Variants in DCLRE1C observed in about 807,000 individuals in gnomAD.
The protein encoded by DCLRE1C is protein artemis.
In DCLRE1C, 47 loss-of-function variants were observed where a neutral mutation model predicts 61.4. The observed-to-expected ratio is 0.77, with a 90% CI of 0.61 to 0.98. The LOEUF (loss-of-function observed/expected upper bound fraction) is 0.98. DCLRE1C is among the 50% of genes least tolerant of loss of function. The probability of loss-of-function intolerance (pLI) is 0.00; values close to 1 mark genes in which losing one functional copy is unlikely to be tolerated. For missense variants in DCLRE1C, 858 were observed against 816.0 expected (o/e 1.05, Z -0.63); for synonymous variants, 337 against 287.6 (o/e 1.17, Z -1.74).
rs117541758 is a variant in DCLRE1C at position 14,897,602 on chromosome 10, A to G, written c.*1562T>C. The G allele has an allele frequency of 8.8e-3, 10,060 of 1,145,036 alleles. 57 individuals carry two copies. The highest frequency in any genetic ancestry group is 0.011 in the Non-Finnish European group (9,413 of 865,116). 70.9% of individuals were successfully genotyped at this position (1,145,036 alleles called of 1,614,324 possible). ...TTACCTTTTTATCTCTTTAAGAGAT[A>G]CTTGGTACATTTTGATATTTTCATT... On this transcript the variant is annotated 3_prime_UTR_variant, in exon 14 of 14. Transcript: ENST00000378289.
At chr10:14,914,060 G>A (rs1221360008) in intron 13 of DCLRE1C, among the ~76,000 whole-genome samples, 1 of 152,124 alleles carries the variant, frequency 6.6e-6, no homozygotes, top group Non-Finnish European at 1.5e-5. Context: ...ATATCAATGG[G>A]TACCATTAAA....
chr10:14,939,592 A>C (rs994098692), intron 4 of DCLRE1C, among the ~76,000 whole-genome samples: 7 of 152,184 alleles, frequency 4.6e-5, no homozygotes, highest in African/African-American at 7.2e-5. Flanking sequence ...AGTCCAGCCC[A>C]AATGGACTTA....
chr10:14,932,519 C>T (rs1213279918), intron 9 of DCLRE1C, among the ~76,000 whole-genome samples: 1 of 152,044 alleles, frequency 6.6e-6, no homozygotes, highest in African/African-American at 2.4e-5. Flanking sequence ...CGCCTGTAGT[C>T]CCAGCTACTC....
Position 14,919,601 on chromosome 10 carries a change from G to A in DCLRE1C, c.1156+137C>T, listed in dbSNP as rs137972697. ...AAGACAGGAAGGCAAAGTACTTCCTGAGACCATGTGTCAAGTCTGACCTGT... is the reference window on the plus strand; with the variant it reads ...AAGACAGGAAGGCAAAGTACTTCCTAAGACCATGTGTCAAGTCTGACCTGT... On this transcript the variant is annotated intron_variant, in intron 13 of 13. Transcript: ENST00000378278. 1.0e-3 allele frequency: 758 copies of A among 736,338 alleles called. 2 individuals carry two copies. The highest frequency in any genetic ancestry group is 2.6e-3 in the Middle Eastern group (8 of 3,084). The allele number at this position is 736,338 out of a possible 1,614,324, so 45.6% of individuals were successfully genotyped here. A position where few individuals can be genotyped will look rare whatever the true frequency, so the allele number is the denominator to read the frequency against.
chr10:14,919,928 T>A, intron 12 of DCLRE1C, 96 bp from the exon 13 acceptor site: 1 of 1,023,040 alleles, frequency 9.8e-7, no homozygotes, highest in Non-Finnish European at 1.5e-6. Flanking sequence ...ATTTTGTTTT[T>A]TAATTTCTTG....
chr10:14,925,225 TAAAAAAAA>T (rs67477083), intron 11 of DCLRE1C, among the ~76,000 whole-genome samples: 12 of 109,326 alleles, frequency 1.1e-4, no homozygotes, highest in African/African-American at 2.9e-4. Context: ...ATAAAGGATT[TAAAAAAAA>T]AAAAAAAAAA....
rs945375051 is a variant in DCLRE1C, at chr10:14,906,255, T to G, written c.*2153A>C. 6.6e-6 allele frequency among the ~76,000 whole-genome samples: 1 copy of G among 152,150 alleles called. No homozygotes were observed. The highest frequency in any genetic ancestry group is 2.4e-5 in the African/African-American group (1 of 41,430). ...TACCTCAAAGGGTGGTTGTGAAAAT[T>G]AAAGGAGTTCATATAGTCTGTAAAA... On this transcript the variant is annotated 3_prime_UTR_variant, in exon 14 of 14. Coordinates refer to ENST00000378278, the MANE Select transcript of DCLRE1C (RefSeq NM_001033855.3).
Position 14,932,948 on chromosome 10 carries a change from A to G in DCLRE1C, c.686T>C (p.Val229Ala), listed in dbSNP as rs756395955. 3.7e-6 allele frequency: 6 copies of G among 1,614,202 alleles called. No individual in the cohort carries two copies. Among genetic ancestry groups the G allele is most frequent in the Non-Finnish European group, 5.1e-6 (6 of 1,179,998 alleles). The change falls in exon 9 of 14, where the codon GTG becomes GCG. Residue 229 changes from valine to alanine, a missense_variant. Coordinates refer to ENST00000378278, the MANE Select transcript of DCLRE1C (RefSeq NM_001033855.3). ...GTTCCTAAACATGTCTAGCTTATTC[A>G]CATGAACCTAAGGCAAATAATACAT... Reference protein sequence around the residue: ...LSEELGVQVHVNKLDMFRNMP... With the variant: ...LSEELGVQVHANKLDMFRNMP...
intron 10 of DCLRE1C, among the ~76,000 whole-genome samples, chr10:14,927,176 G>A (rs1176950895): frequency 2.0e-5 from 3 of 152,174 alleles, no homozygotes; most frequent in Non-Finnish European, 2.9e-5. Flanking sequence ...GAGCTCAGGA[G>A]TTCGAGACCA....
At chr10:14,938,062 G>C (rs1334377063) in intron 4 of DCLRE1C, among the ~76,000 whole-genome samples, 1 of 152,164 alleles carries the variant, frequency 6.6e-6, no homozygotes, top group Non-Finnish European at 1.5e-5. Context: ...CTCAGTGACA[G>C]GGACTCCTCA....
At chr10:14,911,120 T>G (rs182671093) in intron 13 of DCLRE1C, 3 of 152,410 alleles carry the variant, frequency 2.0e-5, no homozygotes, top group African/African-American at 7.2e-5. Context: ...AGCATGTGCT[T>G]GTAAGGAAAC....
rs1412584467 is a variant in DCLRE1C at position 14,904,639 on chromosome 10, A to T, written c.*3769T>A. Among the ~76,000 whole-genome samples, 4 of 152,196 alleles carry T rather than the reference A, an allele frequency of 2.6e-5. No individual in the cohort carries two copies. Among genetic ancestry groups the T allele is most frequent in the African/African-American group, 9.7e-5 (4 of 41,440 alleles). On this transcript the variant is annotated 3_prime_UTR_variant, in exon 14 of 14. Coordinates refer to ENST00000378278, the MANE Select transcript of DCLRE1C (RefSeq NM_001033855.3). ...AGTTTTGTTTTGTCTTTATTGATAG[A>T]ATGTAATGGGCCTTTGGGATCTTAA...
chr10:14,946,871 G>C (rs936846633), intron 2 of DCLRE1C, among the ~76,000 whole-genome samples: 2 of 152,030 alleles, frequency 1.3e-5, no homozygotes, highest in Admixed American at 1.3e-4. Flanking sequence ...TCCCACCTCA[G>C]CTTCCCAAAG....
At chr10:14,911,853 CATT>C (rs1189606503) in intron 13 of DCLRE1C, among the ~76,000 whole-genome samples, 3 of 152,166 alleles carry the variant, frequency 2.0e-5, no homozygotes, top group South Asian at 2.1e-4. Flanking sequence ...GAAAGCTCAA[CATT>C]AGTCATTAGA....
intron 13 of DCLRE1C, among the ~76,000 whole-genome samples, chr10:14,913,451 AAC>A (rs1835639104): frequency 6.6e-6 from 1 of 152,252 alleles, no homozygotes; most frequent in Non-Finnish European, 1.5e-5. Context: ...TAAAGTTAAT[AAC>A]AGAGAATGTA....
chr10:14,933,077 G>C, intron 8 of DCLRE1C, 122 bp from the exon 9 acceptor site: 4 of 1,151,912 alleles, frequency 3.5e-6, no homozygotes, highest in Non-Finnish European at 5.1e-6. Flanking sequence ...TTCTTGAAAA[G>C]TAGTTTTTGG....
intron 2 of DCLRE1C, among the ~76,000 whole-genome samples, chr10:14,948,210 CA>C (rs377622660): frequency 1.5e-3 from 169 of 110,002 alleles, no homozygotes; most frequent in South Asian, 1.9e-3. Flanking sequence ...CCCGTCTCTA[CA>C]AAAAAAAAAA....
chr10:14,936,396 C>T (rs535875947), intron 5 of DCLRE1C, 142 bp downstream of exon 5: 23 of 607,596 alleles, frequency 3.8e-5, no homozygotes, highest in African/African-American at 1.7e-4. Context: ...AATCCTCCCG[C>T]GTCAGCCTCC....
At chr10:14,952,266 C>T (rs563356543) in intron 1 of DCLRE1C, among the ~76,000 whole-genome samples, 9 of 152,272 alleles carry the variant, frequency 5.9e-5, no homozygotes, top group African/African-American at 1.9e-4. Context: ...ATATCCTCGT[C>T]CAGCAGTGGA....
Sources: allele counts gnomAD v4.1 joint callset (sites outside exome capture counted in the v4.1 genomes callset), GRCh38; gene constraint gnomAD v4.1.1; transcripts MANE v1.5; gene names NCBI Gene and HGNC (gene_info 2026-07-23, HGNC 2026-07-21).